THSD7A: variants seen among roughly 807,000 people sequenced by gnomAD.
THSD7A encodes the protein thrombospondin type-1 domain-containing protein 7A.
Under a neutral mutation model 231.3 loss-of-function variants are expected in THSD7A, and 96 were observed. The observed-to-expected ratio is 0.41, with a 90% CI of 0.35 to 0.49. THSD7A has a LOEUF of 0.49. THSD7A is among the 20% of genes least tolerant of loss of function. The probability of loss-of-function intolerance (pLI) is 0.05; values close to 1 mark genes in which losing one functional copy is unlikely to be tolerated. For missense variants in THSD7A, 2,290 were observed against 2,070.2 expected (o/e 1.11, Z -2.06); for synonymous variants, 940 against 743.3 (o/e 1.26, Z -4.30).
chr7:11,795,696 C>T (rs1405139924), intron 1 of THSD7A, among the ~76,000 whole-genome samples: 2 of 151,742 alleles, frequency 1.3e-5, no homozygotes, highest in African/African-American at 4.8e-5. Context: ...TCTCTGCTCC[C>T]TTACGCTTCT....
intron 2 of THSD7A, among the ~76,000 whole-genome samples, chr7:11,603,941 G>C (rs1033108770): frequency 2.0e-5 from 3 of 151,466 alleles, no homozygotes; most frequent in Non-Finnish European, 4.4e-5. Flanking sequence ...TGACGAGTTA[G>C]TGGGTGCAGT....
intron 1 of THSD7A, among the ~76,000 whole-genome samples, chr7:11,668,741 C>T (rs2354967): frequency 0.39 from 59,920 of 151,882 alleles, 11,906 homozygotes; most frequent in Admixed American, 0.49. Context: ...GAATAAGGAA[C>T]GGCGGGAGCA....
chr7:11,391,937 C>T (rs986332019), intron 23 of THSD7A, among the ~76,000 whole-genome samples: 14 of 152,022 alleles, frequency 9.2e-5, no homozygotes, highest in African/African-American at 2.9e-4. Context: ...CACTGTCCAA[C>T]GAGTCCCAAT....
At chr7:11,822,861 T>C (rs1312493814) in intron 1 of THSD7A, among the ~76,000 whole-genome samples, 10 of 152,028 alleles carry the variant, frequency 6.6e-5, no homozygotes, top group Non-Finnish European at 1.3e-4. Flanking sequence ...AGTCTCCTGA[T>C]GGATGAATAG....
chr7:11,593,158 TA>T (rs35917206), intron 3 of THSD7A, 95 bp downstream of exon 3: 4 of 1,471,630 alleles, frequency 2.7e-6, no homozygotes, highest in Non-Finnish European at 3.6e-6. Context: ...TTTTTATGTG[TA>T]AAAATTACTG....
intron 2 of THSD7A, among the ~76,000 whole-genome samples, chr7:11,603,115 C>T (rs1163543744): frequency 1.3e-4 from 19 of 150,486 alleles, no homozygotes; most frequent in Non-Finnish European, 2.2e-4. Context: ...AGAAAATTTT[C>T]GCAACCTACT....
chr7:11,649,239 A>G (rs1584145088), intron 1 of THSD7A, among the ~76,000 whole-genome samples: 2 of 152,110 alleles, frequency 1.3e-5, no homozygotes, highest in East Asian at 3.9e-4. Flanking sequence ...GTGACCCATG[A>G]TCTTCTTGGA....
Position 11,636,906 on chromosome 7 carries a change from C to T in THSD7A, c.246G>A (p.Arg82=), listed in dbSNP as rs1008564001. The change falls in exon 2 of 28, where the codon AGG becomes AGA. Residue 82 remains arginine (R), a synonymous_variant. Transcript: ENST00000423059. This position sits in a 1 kb window ranked among gnomAD's most constrained non-coding sequence, Gnocchi z 10.0. ...DECGPGGIQT[R]AVWCAHVEGW... is the part of the protein sequence containing the mutation. ...CCTCCACATGAGCACACCACACAGC[C>T]CTCGTTTGGATGCCTCCGGGACCAC... The T allele has an allele frequency of 7.2e-5, 116 of 1,613,400 alleles. No individual in the cohort carries two copies. The highest frequency in any genetic ancestry group is 1.6e-4 in the Middle Eastern group (1 of 6,084).
intron 1 of THSD7A, among the ~76,000 whole-genome samples, chr7:11,727,872 G>A (rs555867465): frequency 4.8e-4 from 73 of 151,846 alleles, no homozygotes; most frequent in African/African-American, 1.6e-3. Context: ...CTTAGTTATC[G>A]GTATCTCATT....
intron 1 of THSD7A, among the ~76,000 whole-genome samples, chr7:11,668,321 G>A (rs1170742051): frequency 1.3e-5 from 2 of 152,064 alleles, no homozygotes; most frequent in Admixed American, 6.6e-5. Flanking sequence ...GGGAGACTGA[G>A]GCAGGACAAT....
At chr7:11,752,990 G>C (rs1782553386) in intron 1 of THSD7A, among the ~76,000 whole-genome samples, 1 of 151,906 alleles carries the variant, frequency 6.6e-6, no homozygotes, top group Non-Finnish European at 1.5e-5. Flanking sequence ...TCTTTACATA[G>C]TTCAATTTTG....
chr7:11,634,084 C>T lies in THSD7A; in HGVS notation c.1022+2046G>A, dbSNP rs1317568936. On this transcript the variant is annotated intron_variant, in intron 2 of 27. Transcript: ENST00000423059. The surrounding 1 kb of genome is among the most constrained non-coding windows in gnomAD (Gnocchi z 4.1). The stretch of plus-strand genomic sequence containing the variant: ...GTAGGTCAAAATATCTGATTTTTAT[C>T]TCTTCTTCTCTAGGACTTTCTTGAT... Among the ~76,000 whole-genome samples the T allele has an allele frequency of 6.6e-6, 1 of 152,062 alleles. No homozygotes were observed. Among genetic ancestry groups the T allele is most frequent in the Non-Finnish European group, 1.5e-5 (1 of 67,994 alleles).
chr7:11,597,969 G>C (rs57852458), intron 2 of THSD7A, among the ~76,000 whole-genome samples: 3 of 152,140 alleles, frequency 2.0e-5, no homozygotes, highest in Non-Finnish European at 4.4e-5. Flanking sequence ...AGGAAGAGAA[G>C]ACTAGGGTCT....
chr7:11,424,929 T>A, intron 15 of THSD7A, 100 bp from the exon 16 acceptor site: 1 of 1,394,000 alleles, frequency 7.2e-7, no homozygotes, highest in Non-Finnish European at 9.9e-7. Flanking sequence ...TGAAGCTACT[T>A]TCACTCCCCT....
At position 11,796,579 on chromosome 7, in the gene THSD7A, G is replaced by GT. The variant is rs1026638286; in HGVS notation, c.190+35177dup. 1.3e-4 allele frequency among the ~76,000 whole-genome samples: 19 copies of GT among 147,398 alleles called. 1 individual carries two copies. The South Asian group carries it at 1.7e-3, about 13-fold the overall frequency. On this transcript the variant is annotated intron_variant, in intron 1 of 27. Coordinates refer to ENST00000423059, the MANE Select transcript of THSD7A (RefSeq NM_015204.3). ...GTTTGATGTTTTCAATAAAATGTGT[G>GT]TTTTTTTTTCATTTAGGTCTTCCTT...
At chr7:11,529,974 G>A (rs751040485) in intron 6 of THSD7A, among the ~76,000 whole-genome samples, 2 of 152,140 alleles carry the variant, frequency 1.3e-5, no homozygotes, top group Non-Finnish European at 1.5e-5. Context: ...CTACAAAACA[G>A]CATTATAAAC....
chr7:11,548,352 T>G (rs988110283), intron 4 of THSD7A, among the ~76,000 whole-genome samples: 2 of 151,940 alleles, frequency 1.3e-5, no homozygotes, highest in African/African-American at 2.4e-5. Context: ...GTTCTAAAGT[T>G]GAAACAGTAA....
At chr7:11,641,225 C>A (rs1304872571) in intron 1 of THSD7A, among the ~76,000 whole-genome samples, 8 of 152,152 alleles carry the variant, frequency 5.3e-5, no homozygotes, top group South Asian at 2.1e-4. Context: ...TTTGTAAAAG[C>A]TTTGCAGTTC....
intron 1 of THSD7A, among the ~76,000 whole-genome samples, chr7:11,685,866 A>G (rs2354969): frequency 0.52 from 79,202 of 151,740 alleles, 21,108 homozygotes; most frequent in Admixed American, 0.59. Flanking sequence ...CCCATTACTG[A>G]GTATTACACA....
Sources: gnomAD v4.1 joint callset for allele counts (sites outside exome capture counted in the v4.1 genomes callset) on GRCh38, gnomAD v4.1.1 for gene constraint, Gnocchi (gnomAD v3.1) non-coding constraint, MANE v1.5 for transcripts, NCBI Gene and HGNC (gene_info 2026-07-23, HGNC 2026-07-21) for gene names.